TRIM37: variants seen among roughly 807,000 people sequenced by gnomAD.
TRIM37 encodes tripartite motif containing 37, also known as E3 ubiquitin-protein ligase TRIM37.
TRIM37 carries 80 observed loss-of-function variants against 129.8 expected under a neutral mutation model. That is an observed-to-expected ratio of 0.62 (90% CI 0.51 to 0.74). TRIM37 has a LOEUF of 0.74. Among genes scored for constraint, TRIM37 ranks in the 30% least tolerant of loss-of-function variants. The pLI is 0.00. For missense variants in TRIM37, 1,054 were observed against 1,176.5 expected (o/e 0.90, Z 1.52); for synonymous variants, 389 against 387.1 (o/e 1.00, Z -0.06).
Position 59,041,458 on chromosome 17 carries a change from T to C in TRIM37, c.1753+355A>G, listed in dbSNP as rs138540034. Among the ~76,000 whole-genome samples, 15 of 152,324 alleles carry C rather than the reference T, an allele frequency of 9.8e-5. No homozygotes were observed. In the East Asian group the frequency reaches 2.5e-3, roughly 25 times the overall value. On this transcript the variant is annotated intron_variant, in intron 17 of 23. Transcript: ENST00000262294. Reference sequence around the variant, plus strand: ...GAAAGAATAGTATAAAATATGAGCATGGGATACAAACAAATCTGGGGATTC... The same window carrying C: ...GAAAGAATAGTATAAAATATGAGCACGGGATACAAACAAATCTGGGGATTC...
chr17:58,969,267 GACA>G, the TRIM37 span, among the ~76,000 whole-genome samples: 2 of 152,048 alleles, frequency 1.3e-5, no homozygotes, highest in Non-Finnish European at 2.9e-5. Context: ...CATGGTACAA[GACA>G]ACAACTTTCA....
At chr17:58,967,832 G>A in the TRIM37 span, among the ~76,000 whole-genome samples, 2 of 145,886 alleles carry the variant, frequency 1.4e-5, no homozygotes, top group Non-Finnish European at 3.0e-5. Context: ...ACGGAGTCTC[G>A]CTCGCTCTGT....
chr17:59,103,249 A>T (rs1334609013), intron 2 of TRIM37, among the ~76,000 whole-genome samples: 1 of 152,198 alleles, frequency 6.6e-6, no homozygotes, highest in East Asian at 1.9e-4. Flanking sequence ...TTGAAGGGGA[A>T]TGTGAACAAG....
In TRIM37 at chr17:59,091,284, G is replaced by C. The variant is rs771048230; in HGVS notation, c.164+16C>G. On this transcript the variant is annotated intron_variant, in intron 3 of 23. Coordinates refer to ENST00000262294, the MANE Select transcript of TRIM37 (RefSeq NM_015294.6). ...CTATTTTCAAAATTCACAAATAATC[G>C]TAAGGAAACACTTACCGGCAATGAG... The C allele has an allele frequency of 2.5e-6, 4 of 1,580,890 alleles. No homozygotes were observed. The highest frequency in any genetic ancestry group is 2.2e-5 in the South Asian group (2 of 89,368).
At chr17:58,983,346 A>T (rs1344614182) in intron 24 of TRIM37, 1 of 159,032 alleles carries the variant, frequency 6.3e-6, no homozygotes, top group Non-Finnish European at 1.4e-5. Context: ...AAATCCTTTA[A>T]AATTCTATAA....
At chr17:59,041,023 G>A (rs954182551) in intron 17 of TRIM37, among the ~76,000 whole-genome samples, 2 of 151,410 alleles carry the variant, frequency 1.3e-5, no homozygotes, top group East Asian at 1.9e-4. Flanking sequence ...TCCGCAGTCC[G>A]ACCTGGGCGA....
intron 21 of TRIM37, among the ~76,000 whole-genome samples, chr17:59,012,824 C>T (rs941096181): frequency 2.7e-5 from 4 of 150,854 alleles, no homozygotes; most frequent in South Asian, 2.1e-4. Flanking sequence ...TGCAGTGAGC[C>T]GAGGTTGCAC....
chr17:59,005,874 C>T (rs942783504), intron 22 of TRIM37, among the ~76,000 whole-genome samples: 3 of 152,196 alleles, frequency 2.0e-5, no homozygotes, highest in African/African-American at 4.8e-5. Context: ...CATGAACACA[C>T]ATAAAACGGC....
intron 24 of TRIM37, among the ~76,000 whole-genome samples, chr17:58,989,993 C>T (rs181454626): frequency 1.3e-5 from 2 of 151,012 alleles, no homozygotes; most frequent in African/African-American, 2.4e-5. Flanking sequence ...CAAGACCAGC[C>T]TGGGCAATGC....
At chr17:59,030,565 G>C (rs1339842331) in intron 18 of TRIM37, among the ~76,000 whole-genome samples, 1 of 152,072 alleles carries the variant, frequency 6.6e-6, no homozygotes, top group African/African-American at 2.4e-5. Flanking sequence ...TTGAAATTCA[G>C]ATCATCTCAT....
intron 22 of TRIM37, among the ~76,000 whole-genome samples, chr17:59,005,270 C>T (rs564720450): frequency 6.1e-4 from 93 of 151,734 alleles, no homozygotes; most frequent in African/African-American, 2.2e-3. Context: ...ATTTTTCAAA[C>T]TCTATTCATT....
intron 1 of TRIM37, among the ~76,000 whole-genome samples, chr17:59,105,511 C>T (rs2045916707): frequency 6.6e-6 from 1 of 152,176 alleles, no homozygotes; most frequent in Non-Finnish European, 1.5e-5. Flanking sequence ...TAAACGTATA[C>T]TTATTGTATT....
intron 16 of TRIM37, among the ~76,000 whole-genome samples, chr17:59,043,986 CAACT>C (rs1474557479): frequency 9.9e-5 from 15 of 152,084 alleles, no homozygotes; most frequent in Admixed American, 8.5e-4. Flanking sequence ...TGCATTCAAC[CAACT>C]GTGGATCAAA....
chr17:59,023,103 G>A (rs1411394288), intron 19 of TRIM37, among the ~76,000 whole-genome samples: 1 of 151,956 alleles, frequency 6.6e-6, no homozygotes, highest in East Asian at 1.9e-4. Context: ...TTTTGAGACA[G>A]TCTCACTTGT....
chr17:59,053,254 A>G (rs1189154281), intron 13 of TRIM37, among the ~76,000 whole-genome samples: 1 of 152,246 alleles, frequency 6.6e-6, no homozygotes, highest in African/African-American at 2.4e-5. Context: ...AATGAAACAT[A>G]CATTCATAGT....
At chr17:59,001,785 T>C in intron 22 of TRIM37, 71 bp from the exon 23 acceptor site, 1 of 1,582,402 alleles carries the variant, frequency 6.3e-7, no homozygotes, top group African/African-American at 1.3e-5. Context: ...GAAATCTCCG[T>C]ATCTGCTAAA....
At chr17:59,086,740 C>T (rs1305628473) in intron 4 of TRIM37, among the ~76,000 whole-genome samples, 1 of 152,154 alleles carries the variant, frequency 6.6e-6, no homozygotes, top group East Asian at 1.9e-4. Flanking sequence ...TATAATATAG[C>T]TTTTACAATA....
Position 59,001,644 on chromosome 17 carries a change from G to A in TRIM37, c.2766C>T (p.Gly922=), listed in dbSNP as rs758418316. 13 of 1,613,884 alleles carry A rather than the reference G, an allele frequency of 8.1e-6. No homozygotes were observed. Among genetic ancestry groups the A allele is most frequent in the South Asian group, 3.3e-5 (3 of 91,080 alleles). Residue 922 remains glycine, a synonymous_variant, in exon 23 of 24, where the codon GGC becomes GGT. Coordinates refer to ENST00000262294, the MANE Select transcript of TRIM37 (RefSeq NM_015294.6). Reference sequence around the variant, plus strand: ...TGACCATGAAGGAGTCGTGAAACCCGCCCACACTGGTATGCTCTTCCTGCT... The same window carrying A: ...TGACCATGAAGGAGTCGTGAAACCCACCCACACTGGTATGCTCTTCCTGCT... ...NEEQEEHTSV[G]GFHDSFMVMT... is the part of the protein sequence containing the mutation.
At chr17:59,044,469 G>C (rs1010294190) in intron 16 of TRIM37, among the ~76,000 whole-genome samples, 3 of 152,148 alleles carry the variant, frequency 2.0e-5, no homozygotes, top group Non-Finnish European at 2.9e-5. Flanking sequence ...GGCTGAGGCA[G>C]GGGAACTGCT....
Sources: allele counts gnomAD v4.1 joint callset (sites outside exome capture counted in the v4.1 genomes callset), GRCh38; gene constraint gnomAD v4.1.1; transcripts MANE v1.5; gene names NCBI Gene and HGNC (gene_info 2026-07-23, HGNC 2026-07-21).